TRPM3: variants seen among roughly 807,000 people sequenced by gnomAD.
TRPM3 encodes the protein transient receptor potential cation channel subfamily M member 3, also known as long transient receptor potential channel 3.
In TRPM3, 77 loss-of-function variants were observed where a neutral mutation model predicts 181.2. The ratio of observed to expected loss-of-function variants is 0.42; its 90% CI spans 0.35 to 0.51. The LOEUF (loss-of-function observed/expected upper bound fraction) is 0.51, where lower values mean the gene tolerates loss of function less well. Among genes scored for constraint, TRPM3 ranks in the 20% least tolerant of loss-of-function variants. TRPM3 has a pLI of 0.01. For synonymous variants in TRPM3, 745 were observed against 796.4 expected, an observed-to-expected ratio of 0.94 and a Z score of 1.09; for missense variants, 1,759 against 2,196.7, an observed-to-expected ratio of 0.80 and a Z score of 3.98.
intron 5 of TRPM3, among the ~76,000 whole-genome samples, chr9:70,828,700 G>T (rs1274729989): frequency 1.8e-5 from 1 of 56,276 alleles, no homozygotes. Flanking sequence ...TGGCCTTCCA[G>T]ATTTTTTTTT....
intron 1 of TRPM3, among the ~76,000 whole-genome samples, chr9:71,380,171 C>T (rs538943706): frequency 6.6e-6 from 1 of 152,072 alleles, no homozygotes; most frequent in South Asian, 2.1e-4. Flanking sequence ...GTCTTCTTGG[C>T]TATTTGCTTG....
At chr9:70,674,737 T>C (rs964120446) in intron 9 of TRPM3, among the ~76,000 whole-genome samples, 1 of 148,222 alleles carries the variant, frequency 6.7e-6, no homozygotes, top group African/African-American at 2.5e-5. Context: ...TTTTTTTTTT[T>C]TTTTTTTTTT....
chr9:71,186,470 G>A (rs749794161), intron 1 of TRPM3, among the ~76,000 whole-genome samples: 26 of 151,954 alleles, frequency 1.7e-4, no homozygotes, highest in Non-Finnish European at 3.4e-4. Context: ...TATACTGTAT[G>A]TTTTTTAAGG....
At chr9:70,597,446 T>G (rs2059219585) in intron 21 of TRPM3, among the ~76,000 whole-genome samples, 1 of 152,170 alleles carries the variant, frequency 6.6e-6, no homozygotes, top group Non-Finnish European at 1.5e-5. Flanking sequence ...ATATATCTTG[T>G]AAAGATGAAG....
At chr9:70,913,224 T>C (rs1194685348) in intron 1 of TRPM3, among the ~76,000 whole-genome samples, 1 of 152,232 alleles carries the variant, frequency 6.6e-6, no homozygotes, top group Non-Finnish European at 1.5e-5. Context: ...TCTGTTCCTC[T>C]GACATCATTC....
chr9:71,373,100 A>C (rs2132814565), intron 1 of TRPM3, among the ~76,000 whole-genome samples: 1 of 152,310 alleles, frequency 6.6e-6, no homozygotes, highest in South Asian at 2.1e-4. Flanking sequence ...AATGTACCAG[A>C]GTCTCCGGGA....
intron 1 of TRPM3, among the ~76,000 whole-genome samples, chr9:70,909,301 C>A (rs2096510287): frequency 3.9e-5 from 6 of 152,160 alleles, no homozygotes; most frequent in Admixed American, 3.9e-4. Flanking sequence ...TCCAAGTACT[C>A]CACATAGGAC....
intron 1 of TRPM3, among the ~76,000 whole-genome samples, chr9:71,407,953 C>A (rs2093468898): frequency 6.6e-6 from 1 of 152,176 alleles, no homozygotes; most frequent in African/African-American, 2.4e-5. Flanking sequence ...GATACCCAGG[C>A]AAATAGGGCC....
At chr9:71,377,527 A>C (rs1335611438) in intron 1 of TRPM3, among the ~76,000 whole-genome samples, 1 of 152,116 alleles carries the variant, frequency 6.6e-6, no homozygotes, top group African/African-American at 2.4e-5. Flanking sequence ...GTTCTGTAGC[A>C]AATCACCATG....
chr9:71,074,546 G>A (rs1035311424), intron 1 of TRPM3, among the ~76,000 whole-genome samples: 5 of 151,960 alleles, frequency 3.3e-5, no homozygotes, highest in African/African-American at 9.7e-5. Context: ...AAGTAATTGC[G>A]GTTTTTGCCA....
At chr9:71,423,029 G>A (rs761169615) in intron 1 of TRPM3, among the ~76,000 whole-genome samples, 13 of 151,958 alleles carry the variant, frequency 8.6e-5, no homozygotes, top group East Asian at 5.8e-4. Flanking sequence ...TGTGTTCTAC[G>A]ACAATCCCCT....
chr9:71,067,249 G>A lies in TRPM3; in HGVS notation c.177+53929C>T, dbSNP rs142577915. On this transcript the variant is annotated intron_variant, in intron 1 of 25. Coordinates refer to ENST00000677713, the MANE Select transcript of TRPM3 (RefSeq NM_001366145.2). The stretch of plus-strand genomic sequence containing the variant: ...ATTTTTTTTTTTAACTAGCAAGGCA[G>A]CAGATATACTTTGTAGAAAATTTGG... Among the ~76,000 whole-genome samples, 70 of 152,254 alleles carry A rather than the reference G, an allele frequency of 4.6e-4. 1 individual carries two copies. The East Asian group carries it at 0.01, about 22-fold the overall frequency.
chr9:70,931,067 G>T (rs1238923563), intron 1 of TRPM3, among the ~76,000 whole-genome samples: 1 of 151,828 alleles, frequency 6.6e-6, no homozygotes, highest in Non-Finnish European at 1.5e-5. Context: ...AAAGTGAAAA[G>T]ATTTTTTCTT....
At chr9:70,617,381 T>C (rs906088677) in intron 17 of TRPM3, among the ~76,000 whole-genome samples, 3 of 151,546 alleles carry the variant, frequency 2.0e-5, no homozygotes, top group African/African-American at 7.3e-5. Flanking sequence ...ATTGGTCCCA[T>C]AAAATGGTGG....
chr9:71,428,906 C>T (rs955415352), intron 1 of TRPM3, among the ~76,000 whole-genome samples: 6 of 149,132 alleles, frequency 4.0e-5, no homozygotes, highest in Non-Finnish European at 3.0e-5. Flanking sequence ...ATGATTGCAC[C>T]GCACTCCAAC....
chr9:71,114,608 C>T (rs114664518), intron 1 of TRPM3, among the ~76,000 whole-genome samples: 3 of 152,062 alleles, frequency 2.0e-5, no homozygotes, highest in African/African-American at 7.2e-5. Context: ...GAAGGTTGTG[C>T]GGTGGAGGTG....
chr9:70,943,765 A>ATTC, intron 1 of TRPM3, among the ~76,000 whole-genome samples: 1 of 152,048 alleles, frequency 6.6e-6, no homozygotes, highest in Non-Finnish European at 1.5e-5. Context: ...AGTCATTATG[A>ATTC]TTTCTTTCTT....
intron 1 of TRPM3, among the ~76,000 whole-genome samples, chr9:71,328,241 G>A (rs13340647): frequency 0.016 from 2,392 of 152,254 alleles, 26 homozygotes; most frequent in Middle Eastern, 0.061. Flanking sequence ...TCAGCTCACT[G>A]CAAGCTCCGC....
chr9:71,315,776 T>C (rs1465618936), intron 1 of TRPM3, among the ~76,000 whole-genome samples: 1 of 152,184 alleles, frequency 6.6e-6, no homozygotes. Flanking sequence ...TAATAAGTTT[T>C]TGTGACAACT....
Sources: allele counts gnomAD v4.1 joint callset (sites outside exome capture counted in the v4.1 genomes callset), GRCh38; gene constraint gnomAD v4.1.1; transcripts MANE v1.5; gene names NCBI Gene and HGNC (gene_info 2026-07-23, HGNC 2026-07-21).